The following SPAG17 variants were observed in gnomAD, a reference collection of about 807,000 sequenced individuals.
SPAG17 encodes the protein sperm associated antigen 17, also known as sperm-associated antigen 17.
In SPAG17, 169 loss-of-function variants were observed where a neutral mutation model predicts 273.6. That is an observed-to-expected ratio of 0.62 (90% CI 0.55 to 0.70). The LOEUF (loss-of-function observed/expected upper bound fraction) is 0.70. Among genes scored for constraint, SPAG17 ranks in the 30% least tolerant of loss-of-function variants. SPAG17 has a pLI of 0.00. For synonymous variants in SPAG17, 825 were observed against 873.2 expected (o/e 0.94, Z 0.97); for missense variants, 2,557 against 2,627.8 (o/e 0.97, Z 0.59).
intron 1 of SPAG17, among the ~76,000 whole-genome samples, chr1:118,170,274 T>TC (rs1228853794): frequency 1.3e-5 from 2 of 152,214 alleles, no homozygotes; most frequent in Admixed American, 6.5e-5. Flanking sequence ...TTTAAGCAGC[T>TC]CATGTTCTAT....
At chr1:117,958,038 C>A (rs867029231) in intron 48 of SPAG17, among the ~76,000 whole-genome samples, 2 of 152,196 alleles carry the variant, frequency 1.3e-5, no homozygotes, top group Admixed American at 6.5e-5. Context: ...TTCTTCTCAT[C>A]TCTCACCCTC....
At chr1:118,150,814 G>A (rs1286945039) in intron 2 of SPAG17, among the ~76,000 whole-genome samples, 185 bp from the exon 3 acceptor site, 1 of 152,170 alleles carries the variant, frequency 6.6e-6, no homozygotes, top group Non-Finnish European at 1.5e-5. Context: ...ATGGGTATGT[G>A]CCACCTGGCA....
chr1:118,089,201 T>C (rs548152025), intron 10 of SPAG17, among the ~76,000 whole-genome samples: 1 of 152,134 alleles, frequency 6.6e-6, no homozygotes, highest in Non-Finnish European at 1.5e-5. Flanking sequence ...AAGGCCTCTC[T>C]AAGGATTGAC....
chr1:118,002,352 A>G (rs993592302), intron 32 of SPAG17, among the ~76,000 whole-genome samples: 4 of 152,106 alleles, frequency 2.6e-5, no homozygotes, highest in Admixed American at 1.3e-4. Context: ...CTTGGTGCAG[A>G]ACTGAGTTCA....
chr1:118,080,950 AC>A, intron 15 of SPAG17, 150 bp downstream of exon 15: 1 of 639,924 alleles, frequency 1.6e-6, no homozygotes, highest in East Asian at 2.7e-5. Flanking sequence ...AATAAAGAGA[AC>A]TTATGGAACA....
chr1:118,133,368 CG>C (rs1041726700), intron 3 of SPAG17, among the ~76,000 whole-genome samples: 5 of 151,886 alleles, frequency 3.3e-5, no homozygotes, highest in African/African-American at 1.2e-4. Flanking sequence ...GGCAAGTGGA[CG>C]TAAGTGTGGC....
At chr1:118,118,692 G>T (rs1250388302) in intron 3 of SPAG17, among the ~76,000 whole-genome samples, 4 of 152,150 alleles carry the variant, frequency 2.6e-5, no homozygotes, top group Admixed American at 1.3e-4. Flanking sequence ...AAAGACCAAA[G>T]GTCACTCAGT....
chr1:118,104,704 A>T (rs1656280389), intron 4 of SPAG17, among the ~76,000 whole-genome samples: 1 of 152,218 alleles, frequency 6.6e-6, no homozygotes, highest in South Asian at 2.1e-4. Flanking sequence ...GAACTAAGAA[A>T]CCAAAAAGGT....
At chr1:118,140,591 C>T (rs1372835697) in intron 3 of SPAG17, among the ~76,000 whole-genome samples, 1 of 152,146 alleles carries the variant, frequency 6.6e-6, no homozygotes, top group African/African-American at 2.4e-5. Flanking sequence ...ATAGCTTCTT[C>T]TTCACCCCTC....
intron 28 of SPAG17, 31 bp from the exon 29 acceptor site, chr1:118,016,213 C>A: frequency 1.3e-6 from 2 of 1,526,206 alleles, no homozygotes; most frequent in East Asian, 2.3e-5. Flanking sequence ...CAAACAACAA[C>A]AATATAACTA....
intron 48 of SPAG17, chr1:117,961,362 T>C (rs1170483736): frequency 6.6e-6 from 1 of 152,192 alleles, no homozygotes; most frequent in African/African-American, 2.4e-5. Context: ...GATTGTCTAC[T>C]GTATATCTTC....
Position 118,097,771 on chromosome 1 carries a change from T to G in SPAG17, c.910A>C (p.Asn304His), listed in dbSNP as rs1201779786. Residue 304 changes from asparagine (N) to histidine (H), a missense_variant, in exon 7 of 49, where the codon AAT (asparagine) becomes CAT (histidine). Asn to His is a moderately conservative substitution (Grantham distance 68). Coordinates refer to ENST00000336338, the MANE Select transcript of SPAG17 (RefSeq NM_206996.4). ...AGATTTGTTTCAGGTTTCTCATTAT[T>G]CAGGACTGGTTCCAAGTACTTCCAG... ...TFWKYLEPVLNNEKPETNLFD... is the reference protein window; with the variant it reads ...TFWKYLEPVLHNEKPETNLFD... The G allele has an allele frequency of 1.2e-6, 2 of 1,610,884 alleles. No homozygotes were observed. The highest frequency in any genetic ancestry group is 2.2e-5 in the South Asian group (2 of 90,300).
intron 31 of SPAG17, among the ~76,000 whole-genome samples, chr1:118,007,060 C>T (rs1485262287): frequency 6.6e-6 from 1 of 150,890 alleles, no homozygotes; most frequent in Non-Finnish European, 1.5e-5. Context: ...TGTAGTTTAT[C>T]TTTTCACGTT....
At chr1:118,121,666 G>T (rs959889333) in intron 3 of SPAG17, among the ~76,000 whole-genome samples, 4 of 152,130 alleles carry the variant, frequency 2.6e-5, no homozygotes, top group African/African-American at 9.7e-5. Context: ...TGAAAAAATT[G>T]TCTTCCACAA....
intron 32 of SPAG17, among the ~76,000 whole-genome samples, chr1:117,999,018 C>A (rs893084842): frequency 7.5e-6 from 1 of 134,166 alleles, no homozygotes; most frequent in Non-Finnish European, 1.6e-5. Context: ...GTGTGATGTT[C>A]CCCGCCCTGT....
intron 5 of SPAG17, among the ~76,000 whole-genome samples, chr1:118,100,493 G>A (rs763438362): frequency 2.6e-5 from 4 of 152,006 alleles, no homozygotes; most frequent in Non-Finnish European, 5.9e-5. Context: ...ATAGCACATG[G>A]TACAAAAAAG....
chr1:118,000,900 G>A (rs958655852), intron 32 of SPAG17, among the ~76,000 whole-genome samples: 30 of 152,112 alleles, frequency 2.0e-4, no homozygotes, highest in East Asian at 7.7e-4. Flanking sequence ...GTCTTGTGCC[G>A]GTTTTCAAAG....
At chr1:118,056,731 A>T (rs1258798013) in intron 18 of SPAG17, among the ~76,000 whole-genome samples, 2 of 152,150 alleles carry the variant, frequency 1.3e-5, no homozygotes, top group East Asian at 3.9e-4. Flanking sequence ...AGTTTTCTTT[A>T]ATTCTTCATC....
At chr1:118,145,770 T>C (rs532242916) in intron 3 of SPAG17, among the ~76,000 whole-genome samples, 1 of 152,224 alleles carries the variant, frequency 6.6e-6, no homozygotes, top group African/African-American at 2.4e-5. Context: ...TATCACATAA[T>C]GTTTAGGATA....
Sources: allele counts gnomAD v4.1 joint callset (sites outside exome capture counted in the v4.1 genomes callset), GRCh38; gene constraint gnomAD v4.1.1; transcripts MANE v1.5; gene names NCBI Gene and HGNC (gene_info 2026-07-23, HGNC 2026-07-21).